The following TP53TG5 variants were observed in gnomAD, a reference collection of about 807,000 sequenced individuals.
TP53TG5 encodes the protein TP53-target gene 5 protein.
Under a neutral mutation model 30.0 loss-of-function variants are expected in TP53TG5, and 17 were observed. That is an observed-to-expected ratio of 0.57 (90% CI 0.39 to 0.85). The LOEUF is 0.85. TP53TG5 is among the 40% of genes least tolerant of loss of function. TP53TG5 has a pLI of 0.00. For missense variants in TP53TG5, 338 were observed against 367.9 expected (o/e 0.92, Z 0.67); for synonymous variants, 137 against 139.2 (o/e 0.98, Z 0.11).
rs140964438 is a variant in TP53TG5, at chr20:45,375,488, C to T, written c.319G>A (p.Glu107Lys). Reference sequence around the variant, plus strand: ...AATTTCTTGGACTTGAGTTCCTTCTCGGAGCACCCGATCTCCTGGAACTCT... The same window carrying T: ...AATTTCTTGGACTTGAGTTCCTTCTTGGAGCACCCGATCTCCTGGAACTCT... The part of the protein sequence containing the change: ...NEEFQEIGCS[E>K]KELKSKKLES... Residue 107 changes from glutamate (E) to lysine (K), a missense_variant, in exon 4 of 5, where the codon GAG (glutamate) becomes AAG (lysine). By Grantham distance (56) the Glu-to-Lys change is moderately conservative. Transcript: ENST00000372726. The T allele has an allele frequency of 1.6e-5, 26 of 1,611,600 alleles. No homozygotes were observed. Among genetic ancestry groups the T allele is most frequent in the African/African-American group, 1.6e-4 (12 of 74,664 alleles).
intron 4 of TP53TG5, 148 bp downstream of exon 4, chr20:45,374,891 C>G: frequency 1.8e-6 from 2 of 1,107,526 alleles, no homozygotes; most frequent in South Asian, 3.1e-5. Flanking sequence ...GCTTCCCCCT[C>G]TCTGGACATG....
At position 45,375,545 on chromosome 20, in the gene TP53TG5, T is replaced by A. The variant is rs570037589; in HGVS notation, c.262A>T (p.Ser88Cys). 7.5e-6 allele frequency: 12 copies of A among 1,605,672 alleles called. No homozygotes were observed. The East Asian group carries it at 1.3e-4, about 18-fold the overall frequency. The part of the protein sequence containing the change: ...KILRISSGEN[S>C]ACNKTKQNNE... ...TTTTGTTTTGTTTTATTGCAGGCAC[T>A]GTTTTCCCTGGCAGGGAGAGGAAAG... Residue 88 changes from serine to cysteine, a missense_variant, in exon 4 of 5, where the codon AGT becomes TGT. Coordinates refer to ENST00000372726, the MANE Select transcript of TP53TG5 (RefSeq NM_014477.3).
chr20:45,373,509 T>G lies in TP53TG5; in HGVS notation c.*398A>C. 3 of 244,332 alleles carry G rather than the reference T, an allele frequency of 1.2e-5. No homozygotes were observed. Among genetic ancestry groups the G allele is most frequent in the East Asian group, 9.1e-5 (1 of 10,934 alleles). The allele number at this position is 244,332 out of a possible 1,614,324, so 15.1% of individuals were successfully genotyped here. A position where few individuals can be genotyped will look rare whatever the true frequency, so the allele number is the denominator to read the frequency against. ...CAGGCTCTCATTTCGCCTTTTCCCT[T>G]TCTTGGGAAAATGGAATGGGGAGCA... On this transcript the variant is annotated 3_prime_UTR_variant, in exon 5 of 5. Coordinates refer to ENST00000372726, the MANE Select transcript of TP53TG5 (RefSeq NM_014477.3).
intron 1 of TP53TG5, 151 bp from the exon 2 acceptor site, chr20:45,377,764 TG>T: frequency 1.5e-6 from 1 of 686,166 alleles, no homozygotes; most frequent in Non-Finnish European, 2.5e-6. Context: ...GGTGAAACCC[TG>T]ACTCTACCAA....
In TP53TG5 at chr20:45,373,561, T is replaced by C; in HGVS notation, c.*346A>G. On this transcript the variant is annotated 3_prime_UTR_variant, in exon 5 of 5. Coordinates refer to ENST00000372726, the MANE Select transcript of TP53TG5 (RefSeq NM_014477.3). ...CCAGGAGCCCTTGCTCCTGCCACTTTCTAGCTGAGTGAGCCTGGGCAAGTT... is the reference window on the plus strand; with the variant it reads ...CCAGGAGCCCTTGCTCCTGCCACTTCCTAGCTGAGTGAGCCTGGGCAAGTT... 2.9e-6 allele frequency: 1 copy of C among 345,686 alleles called. No homozygotes were observed. The highest frequency in any genetic ancestry group is 5.5e-6 in the Non-Finnish European group (1 of 182,512). The allele number at this position is 345,686 out of a possible 1,614,324, so 21.4% of individuals were successfully genotyped here.
intron 4 of TP53TG5, chr20:45,374,246 G>T: frequency 1.4e-6 from 1 of 689,712 alleles, no homozygotes; most frequent in South Asian, 1.5e-5. Flanking sequence ...TTTTGCTAAG[G>T]AACTTTCTGC....
rs749324909 is a variant in TP53TG5 at position 45,377,254 on chromosome 20, T to C, written c.212A>G (p.His71Arg). ...AATCTTTGGAACACTGAGCAGTGAA[T>C]GCCAACACCTTTTGGCCAGCTTATG... Reference protein sequence around the residue: ...ELHKLAKRCWHSLLSVPKILR... With the variant: ...ELHKLAKRCWRSLLSVPKILR... The change falls in exon 3 of 5, where the codon CAT becomes CGT. Residue 71 changes from histidine (H) to arginine (R), a missense_variant. His to Arg is a conservative substitution (Grantham distance 29). Transcript: ENST00000372726. 2.0e-5 allele frequency: 33 copies of C among 1,614,140 alleles called. No homozygotes were observed. The highest frequency in any genetic ancestry group is 2.7e-5 in the Non-Finnish European group (32 of 1,180,044).
At position 45,373,454 on chromosome 20, in the gene TP53TG5, G is replaced by T. The variant is rs907178044; in HGVS notation, c.*453C>A. On this transcript the variant is annotated 3_prime_UTR_variant, in exon 5 of 5. Transcript: ENST00000372726. ...ACGCGCATGACCTACAGGGTGCTGG[G>T]GCTATTCCGCCTGCCTCGTGACTTC... 4 of 219,028 alleles carry T rather than the reference G, an allele frequency of 1.8e-5. No homozygotes were observed. Among genetic ancestry groups the T allele is most frequent in the Admixed American group, 1.0e-4 (2 of 19,516 alleles). 13.6% of individuals were successfully genotyped at this position (219,028 alleles called of 1,614,324 possible).
chr20:45,377,626 G>C lies in TP53TG5; in HGVS notation c.49-13C>G, dbSNP rs752079046. 3.7e-6 allele frequency: 6 copies of C among 1,612,680 alleles called. No individual in the cohort carries two copies. The highest frequency in any genetic ancestry group is 5.1e-6 in the Non-Finnish European group (6 of 1,179,236). On this transcript the variant is annotated splice_polypyrimidine_tract_variant and intron_variant, in intron 1 of 4. Coordinates refer to ENST00000372726, the MANE Select transcript of TP53TG5 (RefSeq NM_014477.3). ...TCTCATCTTGCATCTGAGGGACAGA[G>C]GATAAGAGAGACATAAACCCAGAGG...
chr20:45,374,571 C>T, intron 4 of TP53TG5: 1 of 492,756 alleles, frequency 2.0e-6, no homozygotes, highest in South Asian at 4.0e-5. Flanking sequence ...CATGCCTAGC[C>T]TGTTCAGAGT....
chr20:45,375,190 T>C lies in TP53TG5; in HGVS notation c.617A>G (p.Asp206Gly). Residue 206 changes from aspartate to glycine, a missense_variant, in exon 4 of 5, where the codon GAC (aspartate) becomes GGC (glycine). Asp to Gly is a moderately conservative substitution (Grantham distance 94). Coordinates refer to ENST00000372726, the MANE Select transcript of TP53TG5 (RefSeq NM_014477.3). Reference protein sequence around the residue: ...MGHMKQLDVADQWIWFEGLPT... With the variant: ...MGHMKQLDVAGQWIWFEGLPT... ...CAGCCCCTCAAACCAGATCCACTGG[T>C]CGGCTACATCCAGCTGCTTCATGTG... The C allele has an allele frequency of 1.9e-6, 3 of 1,614,136 alleles. No individual in the cohort carries two copies. Among genetic ancestry groups the C allele is most frequent in the South Asian group, 2.2e-5 (2 of 91,082 alleles).
chr20:45,374,144 C>T, intron 4 of TP53TG5, 133 bp from the exon 5 acceptor site: 1 of 806,848 alleles, frequency 1.2e-6, no homozygotes, highest in Non-Finnish European at 2.1e-6. Context: ...AAAGGAAAAG[C>T]CTCCCTTTAA....
At chr20:45,374,548 A>G (rs144549292) in intron 4 of TP53TG5, 1 of 515,230 alleles carries the variant, frequency 1.9e-6, no homozygotes, top group Non-Finnish European at 3.4e-6. Context: ...CTGGGATTAC[A>G]GGCGTGAGCC....
At position 45,375,254 on chromosome 20, in the gene TP53TG5, T is replaced by G; in HGVS notation, c.553A>C (p.Ile185Leu). ...CTATTGCGGTAGGGCTTAATGAAGA[T>G]GACTCGGGGGCCCTCGGTGAGTGGT... is the stretch of plus-strand genomic sequence containing the variant. ...RQPLTEGPRV[I>L]FIKPYRNRTP... Residue 185 changes from isoleucine to leucine, a missense_variant, in exon 4 of 5, where the codon ATC becomes CTC. Ile to Leu is a conservative substitution (Grantham distance 5). Coordinates refer to ENST00000372726, the MANE Select transcript of TP53TG5 (RefSeq NM_014477.3). The G allele has an allele frequency of 1.9e-6, 3 of 1,614,188 alleles. No homozygotes were observed. Among genetic ancestry groups the G allele is most frequent in the Non-Finnish European group, 2.5e-6 (3 of 1,180,034 alleles).
At chr20:45,377,112 C>T in intron 3 of TP53TG5, 100 bp downstream of exon 3, 2 of 1,482,618 alleles carry the variant, frequency 1.3e-6, no homozygotes, top group Non-Finnish European at 1.8e-6. Context: ...CTCACAGAGG[C>T]TTTGTGAAAA....
intron 4 of TP53TG5, 170 bp downstream of exon 4, chr20:45,374,869 T>C: frequency 1.2e-6 from 1 of 827,688 alleles, no homozygotes; most frequent in Non-Finnish European, 1.9e-6. Context: ...TTCTGTATGA[T>C]GTTGGTCTAA....
chr20:45,374,147 C>T (rs1810434), intron 4 of TP53TG5, 136 bp from the exon 5 acceptor site: 9 of 775,246 alleles, frequency 1.2e-5, no homozygotes, highest in Non-Finnish European at 2.0e-5. Flanking sequence ...GGAAAAGCCT[C>T]CCTTTAAGCT....
In TP53TG5 at chr20:45,372,666, AG is replaced by A. The variant is rs1337811162; in HGVS notation, c.*1240del. ...TGTTCAGGAAATGGGCTGGAGTGCA[AG>A]CTGGGTGGGAAGACCGCTGAAAGTG... On this transcript the variant is annotated 3_prime_UTR_variant, in exon 5 of 5. Coordinates refer to ENST00000372726, the MANE Select transcript of TP53TG5 (RefSeq NM_014477.3). 6.6e-6 allele frequency: 1 copy of A among 152,210 alleles called. No individual in the cohort carries two copies. Among genetic ancestry groups the A allele is most frequent in the Non-Finnish European group, 1.5e-5 (1 of 68,068 alleles). 9.4% of individuals were successfully genotyped at this position (152,210 alleles called of 1,614,324 possible).
intron 4 of TP53TG5, chr20:45,374,394 C>A (rs1988657990): frequency 1.6e-6 from 1 of 618,880 alleles, no homozygotes; most frequent in Non-Finnish European, 2.9e-6. Context: ...ACCTCAGCCT[C>A]CTGAGTAGCT....
Sources: allele counts gnomAD v4.1 joint callset, GRCh38; gene constraint gnomAD v4.1.1; transcripts MANE v1.5; gene names NCBI Gene and HGNC (gene_info 2026-07-23, HGNC 2026-07-21).